The following KLHL1 variants were observed in gnomAD, a reference collection of about 807,000 sequenced individuals.
KLHL1 encodes kelch like family member 1.
In KLHL1, 47 loss-of-function variants were observed where a neutral mutation model predicts 77.7. The observed-to-expected ratio is 0.60, with a 90% CI of 0.48 to 0.77. KLHL1 has a LOEUF of 0.77. Ranked by LOEUF, KLHL1 falls within the 30% of genes least tolerant of loss-of-function variation. The probability of loss-of-function intolerance (pLI) is 0.00; values close to 1 mark genes in which losing one functional copy is unlikely to be tolerated. For missense variants in KLHL1, 925 were observed against 910.8 expected (o/e 1.02, Z -0.20); for synonymous variants, 360 against 325.2 (o/e 1.11, Z -1.15).
At position 69,719,464 on chromosome 13, in the gene KLHL1, G is replaced by A. The variant is rs372198907; in HGVS notation, c.1920C>T (p.Val640=). 2.0e-5 allele frequency: 32 copies of A among 1,613,248 alleles called. No individual in the cohort carries two copies. The highest frequency in any genetic ancestry group is 8.0e-5 in the African/African-American group (6 of 74,766). ...GAAAACCGTCACATGTGGCCACTCC[G>A]ACACCCCCTCTCCTCTTACACATGG... ...CAPMCKRRGG[V]GVATCDGFLY... is the part of the protein sequence containing the mutation. The change falls in exon 9 of 11, where the codon GTC becomes GTT. Residue 640 remains valine, a synonymous_variant. Coordinates refer to ENST00000377844, the MANE Select transcript of KLHL1 (RefSeq NM_020866.3).
chr13:70,094,781 C>T (rs1887748909), intron 1 of KLHL1, among the ~76,000 whole-genome samples: 1 of 152,164 alleles, frequency 6.6e-6, no homozygotes, highest in South Asian at 2.1e-4. Flanking sequence ...TCCACTGCCA[C>T]TCCATTGCAA....
chr13:70,020,588 T>C (rs1453842422), intron 1 of KLHL1, among the ~76,000 whole-genome samples: 1 of 152,102 alleles, frequency 6.6e-6, no homozygotes, highest in Non-Finnish European at 1.5e-5. Flanking sequence ...TGTCTTCCTC[T>C]GTATCATGAG....
intron 1 of KLHL1, among the ~76,000 whole-genome samples, chr13:69,990,804 G>T (rs1415504407): frequency 6.6e-6 from 1 of 151,922 alleles, no homozygotes; most frequent in East Asian, 1.9e-4. Context: ...TGACCAAATG[G>T]ACCTAATAAA....
chr13:70,062,380 T>G (rs1396456115), intron 1 of KLHL1, among the ~76,000 whole-genome samples: 1 of 152,194 alleles, frequency 6.6e-6, no homozygotes, highest in East Asian at 1.9e-4. Flanking sequence ...TTGAATTGCA[T>G]GCAACCTATT....
intron 4 of KLHL1, among the ~76,000 whole-genome samples, chr13:69,916,442 G>C (rs866448477): frequency 0.01 from 1,594 of 152,134 alleles, 10 homozygotes; most frequent in Middle Eastern, 0.038. Context: ...CCTTTGTAGG[G>C]ACATGGATGA....
intron 5 of KLHL1, among the ~76,000 whole-genome samples, chr13:69,856,616 T>A (rs1205787487): frequency 6.6e-6 from 1 of 152,042 alleles, no homozygotes; most frequent in Non-Finnish European, 1.5e-5. Context: ...ATTTTGCTCA[T>A]CTGTCTGTTA....
chr13:69,959,970 A>C lies in KLHL1; in HGVS notation c.817+1338T>G, dbSNP rs78452404. 8.0e-4 allele frequency among the ~76,000 whole-genome samples: 121 copies of C among 152,060 alleles called. 1 individual carries two copies. The highest frequency in any genetic ancestry group is 2.8e-3 in the African/African-American group (115 of 41,512). On this transcript the variant is annotated intron_variant, in intron 3 of 10. Transcript: ENST00000377844. ...TCTCCTAATACAATATCCTTGAATA[A>C]AGTCTTCTTTACCTGTATAATTTTG...
intron 1 of KLHL1, among the ~76,000 whole-genome samples, chr13:69,983,377 AG>A (rs1322898707): frequency 6.6e-6 from 1 of 152,056 alleles, no homozygotes; most frequent in African/African-American, 2.4e-5. Context: ...TATATGGAAA[AG>A]ATCCCAAATA....
chr13:69,720,054 T>C (rs1036143863), intron 8 of KLHL1, among the ~76,000 whole-genome samples: 1 of 152,044 alleles, frequency 6.6e-6, no homozygotes, highest in Non-Finnish European at 1.5e-5. Context: ...AATAAATAAA[T>C]GTAATAAACT....
chr13:69,773,820 C>G (rs754507537), intron 7 of KLHL1, among the ~76,000 whole-genome samples: 1 of 151,112 alleles, frequency 6.6e-6, no homozygotes, highest in Non-Finnish European at 1.5e-5. Context: ...TCATGTTTAT[C>G]TTGTTTACAA....
In KLHL1 at chr13:70,107,216, C is replaced by T. The variant is rs1036898745; in HGVS notation, c.484G>A (p.Gly162Arg). Residue 162 changes from glycine to arginine, a missense_variant, in exon 1 of 11, where the codon GGA becomes AGA. Transcript: ENST00000377844. ...GACTTACTGTACCTGTGTCCACATC[C>T]TTCACCTGTTGCCTGGCTAGAGTTG... ...PDNSSQATGE[G>R]CGHRLSSTGH... is the part of the protein sequence containing the mutation. 3.1e-6 allele frequency: 5 copies of T among 1,610,206 alleles called. No homozygotes were observed. The African/African-American group carries it at 6.7e-5, about 21-fold the overall frequency.
At chr13:69,710,106 G>T (rs1318846883) in intron 9 of KLHL1, among the ~76,000 whole-genome samples, 1 of 151,282 alleles carries the variant, frequency 6.6e-6, no homozygotes, top group Non-Finnish European at 1.5e-5. Flanking sequence ...TACTTAATAG[G>T]TCATGAGAAC....
chr13:69,829,628 G>A (rs1878682562), intron 6 of KLHL1, among the ~76,000 whole-genome samples: 2 of 150,006 alleles, frequency 1.3e-5, no homozygotes, highest in African/African-American at 5.0e-5. Context: ...CAGAAGGTTG[G>A]TTATTAAGCT....
At chr13:69,743,348 A>C (rs1467050174) in intron 7 of KLHL1, among the ~76,000 whole-genome samples, 1 of 152,218 alleles carries the variant, frequency 6.6e-6, no homozygotes, top group Non-Finnish European at 1.5e-5. Flanking sequence ...TCAGAAATTC[A>C]AAAAGTACAA....
chr13:69,775,827 C>T lies in KLHL1; in HGVS notation c.1639+20911G>A, dbSNP rs552482504. On this transcript the variant is annotated intron_variant, in intron 7 of 10. Coordinates refer to ENST00000377844, the MANE Select transcript of KLHL1 (RefSeq NM_020866.3). ...TTCCACGTCACGGAAAGGGGCTCTC[C>T]CAATTTTAGGTGGTAACTGCATTTT... Among the ~76,000 whole-genome samples the T allele has an allele frequency of 2.6e-4, 40 of 151,812 alleles. 1 individual carries two copies. In the South Asian group the frequency reaches 6.7e-3, roughly 25 times the overall value.
At chr13:69,731,774 T>C (rs916276972) in intron 8 of KLHL1, among the ~76,000 whole-genome samples, 10 of 152,048 alleles carry the variant, frequency 6.6e-5, no homozygotes, top group Admixed American at 3.9e-4. Context: ...TAAGGAAACT[T>C]CTAGCAAAAC....
intron 8 of KLHL1, among the ~76,000 whole-genome samples, chr13:69,726,260 A>G (rs1225934264): frequency 6.6e-6 from 1 of 152,156 alleles, no homozygotes; most frequent in South Asian, 2.1e-4. Flanking sequence ...CTGTTGCACA[A>G]TAAAAGGATT....
intron 4 of KLHL1, among the ~76,000 whole-genome samples, chr13:69,892,499 G>A (rs1182424838): frequency 1.3e-5 from 2 of 152,112 alleles, no homozygotes; most frequent in African/African-American, 4.8e-5. Context: ...CAGAAAAGTG[G>A]CTGGAAGAAT....
intron 1 of KLHL1, among the ~76,000 whole-genome samples, chr13:70,044,513 T>C (rs1424177112): frequency 6.6e-6 from 1 of 152,136 alleles, no homozygotes; most frequent in Non-Finnish European, 1.5e-5. Flanking sequence ...ATATAACATT[T>C]TAATGTTTTT....
Sources: gnomAD v4.1 joint callset for allele counts (sites outside exome capture counted in the v4.1 genomes callset) on GRCh38, gnomAD v4.1.1 for gene constraint, MANE v1.5 for transcripts, NCBI Gene and HGNC (gene_info 2026-07-23, HGNC 2026-07-21) for gene names.